PDE4D: variants seen among roughly 807,000 people sequenced by gnomAD.
The protein encoded by PDE4D is phosphodiesterase 4D.
A neutral mutation model predicts 87.4 loss-of-function variants in PDE4D; 24 were observed. The ratio of observed to expected loss-of-function variants is 0.27; its 90% CI spans 0.20 to 0.39. PDE4D has a LOEUF of 0.39. Among genes scored for constraint, PDE4D ranks in the 10% least tolerant of loss-of-function variants. The probability of loss-of-function intolerance (pLI) is 1.00; values close to 1 mark genes in which losing one functional copy is unlikely to be tolerated. For synonymous variants in PDE4D, 384 were observed against 383.2 expected (o/e 1.00, Z -0.02); for missense variants, 714 against 1,041.0 (o/e 0.69, Z 4.32).
intron 1 of PDE4D, among the ~76,000 whole-genome samples, chr5:59,888,109 G>A (rs995254453): frequency 2.6e-5 from 4 of 152,266 alleles, no homozygotes; most frequent in Non-Finnish European, 2.9e-5. Flanking sequence ...TTCTCTTCTC[G>A]ACATTCCATA....
At chr5:59,513,703 TAA>T (rs1810663748) in intron 1 of PDE4D, among the ~76,000 whole-genome samples, 2 of 152,160 alleles carry the variant, frequency 1.3e-5, no homozygotes, top group African/African-American at 2.4e-5. Context: ...TTCCACATGC[TAA>T]AGAGTAAGTA....
intron 6 of PDE4D, among the ~76,000 whole-genome samples, chr5:59,007,694 CTA>C (rs1208077160): frequency 6.6e-6 from 1 of 152,048 alleles, no homozygotes; most frequent in East Asian, 1.9e-4. Flanking sequence ...TAAGAAAAAA[CTA>C]TTCCTTTCAG....
chr5:59,151,867 A>G (rs986116114), intron 5 of PDE4D, among the ~76,000 whole-genome samples: 7 of 152,184 alleles, frequency 4.6e-5, no homozygotes, highest in Non-Finnish European at 1.5e-5. Flanking sequence ...GAGGAGATTT[A>G]GACAAAGAAT....
chr5:59,174,457 A>G (rs964748843), intron 5 of PDE4D: 1 of 152,656 alleles, frequency 6.6e-6, no homozygotes, highest in Non-Finnish European at 1.5e-5. Flanking sequence ...AGGCAGCTGT[A>G]CTAGTTTCAC....
intron 1 of PDE4D, among the ~76,000 whole-genome samples, chr5:59,610,014 T>C (rs1184267410): frequency 6.6e-6 from 1 of 152,206 alleles, no homozygotes; most frequent in Non-Finnish European, 1.5e-5. Flanking sequence ...CTCTCCTTTC[T>C]ACTCTGCAGG....
In PDE4D at chr5:58,976,362, G is replaced by A. The variant is rs368591431; in HGVS notation, c.1818C>T (p.Ser606=). Residue 606 remains serine, a synonymous_variant, in exon 13 of 15, where the codon TCC becomes TCT. Transcript: ENST00000340635. ...AACAAGGCTTTACCTGAATCCTATC[G>A]GAATAATTATCAAGAAGAAGAACTC... is the stretch of plus-strand genomic sequence containing the variant. ...SSGVLLLDNY[S]DRIQVLQNMV... is the part of the protein sequence containing the mutation. 33 of 1,611,008 alleles carry A rather than the reference G, an allele frequency of 2.0e-5. No individual in the cohort carries two copies. Among genetic ancestry groups the A allele is most frequent in the Middle Eastern group, 1.7e-4 (1 of 6,054 alleles).
chr5:60,130,032 C>T (rs1001856119), intron 2 of PDE4D, among the ~76,000 whole-genome samples: 1 of 152,126 alleles, frequency 6.6e-6, no homozygotes, highest in South Asian at 2.1e-4. Flanking sequence ...GCCCCAGAGA[C>T]CTGACTTGTC....
intron 1 of PDE4D, among the ~76,000 whole-genome samples, chr5:60,248,424 C>T (rs1748043288): frequency 6.6e-6 from 1 of 152,048 alleles, no homozygotes; most frequent in Non-Finnish European, 1.5e-5. Flanking sequence ...TTTGATCTCA[C>T]TCCTCATGAG....
intron 1 of PDE4D, among the ~76,000 whole-genome samples, chr5:59,789,075 C>G (rs1298879865): frequency 6.6e-6 from 1 of 152,126 alleles, no homozygotes; most frequent in East Asian, 1.9e-4. Context: ...AAGTAGACAG[C>G]CACGCGTTTT....
intron 1 of PDE4D, among the ~76,000 whole-genome samples, chr5:59,493,271 T>C (rs1049388134): frequency 6.6e-6 from 1 of 152,118 alleles, no homozygotes; most frequent in Non-Finnish European, 1.5e-5. Flanking sequence ...TTGTTAAGAT[T>C]CAAAAATCCG....
At chr5:60,473,313 A>T (rs541668675) in intron 1 of PDE4D, among the ~76,000 whole-genome samples, 2 of 152,214 alleles carry the variant, frequency 1.3e-5, no homozygotes, top group South Asian at 4.1e-4. Context: ...AAAGGGAGAA[A>T]GAGACCTCCT....
intron 1 of PDE4D, among the ~76,000 whole-genome samples, chr5:60,361,185 A>AGTAGATG (rs1386247996): frequency 6.6e-6 from 1 of 152,226 alleles, no homozygotes; most frequent in Non-Finnish European, 1.5e-5. Flanking sequence ...TCAAGCACAT[A>AGTAGATG]GTAGATGATC....
intron 2 of PDE4D, among the ~76,000 whole-genome samples, chr5:60,109,915 G>T (rs886287567): frequency 6.6e-6 from 1 of 151,962 alleles, no homozygotes; most frequent in Non-Finnish European, 1.5e-5. Flanking sequence ...AATGCTAAAT[G>T]ATGAGTTAAT....
chr5:59,922,337 T>C (rs1333452350), intron 3 of PDE4D, among the ~76,000 whole-genome samples: 5 of 152,024 alleles, frequency 3.3e-5, no homozygotes, highest in African/African-American at 1.2e-4. Flanking sequence ...TTAGTGTTTA[T>C]GGGGGACATG....
At chr5:60,227,691 C>T (rs1745291621) in intron 1 of PDE4D, among the ~76,000 whole-genome samples, 1 of 151,784 alleles carries the variant, frequency 6.6e-6, no homozygotes. Flanking sequence ...TTGTAAAAAC[C>T]TCCTAATTAG....
chr5:59,031,381 ATATATATATAT>A (rs869062207), intron 6 of PDE4D, among the ~76,000 whole-genome samples: 35 of 28,580 alleles, frequency 1.2e-3, no homozygotes, highest in Admixed American at 7.1e-3. Context: ...ATATATATAT[ATATATATATAT>A]TATATATATA....
intron 1 of PDE4D, among the ~76,000 whole-genome samples, chr5:59,519,122 T>C (rs948959533): frequency 2.6e-5 from 4 of 152,196 alleles, no homozygotes; most frequent in Non-Finnish European, 5.9e-5. Flanking sequence ...CTCTCCCTCC[T>C]TCCTCCTCTT....
Position 59,630,851 on chromosome 5 carries a change from T to C in PDE4D, c.455+262317A>G, listed in dbSNP as rs79088598. ...ATGATCTTACCAAGAGGCACTTTCA[T>C]TGGTCTTGATCCTGCTAATTATGAG... On this transcript the variant is annotated intron_variant, in intron 1 of 14. Transcript: ENST00000340635. 1.7e-3 allele frequency among the ~76,000 whole-genome samples: 261 copies of C among 152,308 alleles called. 2 individuals carry two copies. Among genetic ancestry groups the C allele is most frequent in the African/African-American group, 6.1e-3 (252 of 41,564 alleles).
chr5:59,181,543 GATATATATATAT>G lies in PDE4D; in HGVS notation c.759-911_759-900del, dbSNP rs3061466. ...CTTTTAGATACATTCAAAGATGTCT[GATATATATATAT>G]ATATATATATATATATTAGGTATAT... On this transcript the variant is annotated intron_variant, in intron 4 of 14. Transcript: ENST00000340635. 2.2e-3 allele frequency among the ~76,000 whole-genome samples: 265 copies of G among 118,804 alleles called. 12 individuals carry two copies. Among genetic ancestry groups the G allele is most frequent in the African/African-American group, 6.8e-3 (179 of 26,396 alleles). The allele number at this position is 118,804 out of a possible 152,430, so 77.9% of individuals were successfully genotyped here.
Sources: gnomAD v4.1 joint callset for allele counts (sites outside exome capture counted in the v4.1 genomes callset) on GRCh38, gnomAD v4.1.1 for gene constraint, MANE v1.5 for transcripts, NCBI Gene and HGNC (gene_info 2026-07-23, HGNC 2026-07-21) for gene names.